The following TSC22D1 variants were observed in gnomAD, a reference collection of about 807,000 sequenced individuals.
The protein encoded by TSC22D1 is TSC22 domain family member 1.
Under a neutral mutation model 74.2 loss-of-function variants are expected in TSC22D1, and 9 were observed. The observed-to-expected ratio is 0.12, with a 90% CI of 0.07 to 0.21. The LOEUF (loss-of-function observed/expected upper bound fraction) is 0.21, where lower values mean the gene tolerates loss of function less well. Among genes scored for constraint, TSC22D1 ranks in the 10% least tolerant of loss-of-function variants. TSC22D1 has a pLI of 1.00. For missense variants in TSC22D1, 1,427 were observed against 1,304.7 expected, an observed-to-expected ratio of 1.09 and a Z score of -1.44; for synonymous variants, 586 against 492.5, an observed-to-expected ratio of 1.19 and a Z score of -2.51.
intron 1 of TSC22D1, among the ~76,000 whole-genome samples, chr13:44,549,766 CA>C (rs886489093): frequency 5.0e-5 from 4 of 79,494 alleles, no homozygotes; most frequent in African/African-American, 9.6e-5. Context: ...AACCCTGCCT[CA>C]AAAAAAAAGA....
At position 44,576,187 on chromosome 13, in the gene TSC22D1, A is replaced by C; in HGVS notation, c.-113T>G. 1 of 1,383,050 alleles carries C rather than the reference A, an allele frequency of 7.2e-7. No individual in the cohort carries two copies. The highest frequency in any genetic ancestry group is 9.5e-7 in the Non-Finnish European group (1 of 1,055,434). 85.7% of individuals were successfully genotyped at this position (1,383,050 alleles called of 1,614,324 possible). A position where few individuals can be genotyped will look rare whatever the true frequency, so the allele number is the denominator to read the frequency against. ...GGGACCTGACGCTCCGCCTGGCGCG[A>C]TTCCTCCTTCTCCTCCTCCTCAGCC... On this transcript the variant is annotated 5_prime_UTR_variant, in exon 1 of 3. Coordinates refer to ENST00000458659, the MANE Select transcript of TSC22D1 (RefSeq NM_183422.4).
At chr13:44,438,117 CAT>C (rs1874888039) in intron 1 of TSC22D1, among the ~76,000 whole-genome samples, 1 of 152,172 alleles carries the variant, frequency 6.6e-6, no homozygotes, top group Admixed American at 6.5e-5. Context: ...TATAATACAA[CAT>C]AAACAGTTTC....
At chr13:44,528,848 G>C (rs773399703) in intron 1 of TSC22D1, among the ~76,000 whole-genome samples, 5 of 152,050 alleles carry the variant, frequency 3.3e-5, no homozygotes, top group Non-Finnish European at 7.4e-5. Flanking sequence ...CAAGTGTTAT[G>C]AGCAGTTCTG....
chr13:44,457,347 A>G lies in TSC22D1; in HGVS notation c.2913-21252T>C, dbSNP rs566070981. 9.8e-5 allele frequency among the ~76,000 whole-genome samples: 15 copies of G among 152,352 alleles called. No homozygotes were observed. In the South Asian group the frequency reaches 2.9e-3, roughly 29 times the overall value. On this transcript the variant is annotated intron_variant, in intron 1 of 2. Coordinates refer to ENST00000458659, the MANE Select transcript of TSC22D1 (RefSeq NM_183422.4). ...CGCATTCAACATCTCAAATATGTCT[A>G]ATCACACTGGATCAAAAACATCAAG...
intron 1 of TSC22D1, chr13:44,436,338 TG>T: frequency 9.7e-7 from 1 of 1,031,076 alleles, no homozygotes; most frequent in Non-Finnish European, 1.4e-6. Context: ...GCCTGTTCTC[TG>T]GCCAGACTTG....
At chr13:44,470,739 A>T (rs185601356) in intron 1 of TSC22D1, among the ~76,000 whole-genome samples, 1 of 152,328 alleles carries the variant, frequency 6.6e-6, no homozygotes, top group African/African-American at 2.4e-5. Flanking sequence ...GAAAGCAGCC[A>T]TGTTGTACCA....
rs113122373 is a variant in TSC22D1, at chr13:44,454,865, T to C, written c.2913-18770A>G. On this transcript the variant is annotated intron_variant, in intron 1 of 2. Transcript: ENST00000458659. ...TCTGCACTCTTATCATAACAGATGC[T>C]GTCATGTTTTAGTAATCTTCAGTCC... is the stretch of plus-strand genomic sequence containing the variant. Among the ~76,000 whole-genome samples, 435 of 152,324 alleles carry C rather than the reference T, an allele frequency of 2.9e-3. 1 individual carries two copies. The highest frequency in any genetic ancestry group is 0.01 in the African/African-American group (423 of 41,582).
At chr13:44,503,181 A>G (rs567854251) in intron 1 of TSC22D1, among the ~76,000 whole-genome samples, 60 of 152,348 alleles carry the variant, frequency 3.9e-4, no homozygotes, top group African/African-American at 1.4e-3. Context: ...ATAAAAATAC[A>G]AACAAGATTT....
chr13:44,534,559 T>C (rs1039531751), intron 1 of TSC22D1, among the ~76,000 whole-genome samples: 3 of 152,110 alleles, frequency 2.0e-5, no homozygotes, highest in African/African-American at 7.2e-5. Context: ...TTTCTTTGTT[T>C]CTAGATATGC....
chr13:44,557,327 G>A (rs1882719105), intron 1 of TSC22D1, among the ~76,000 whole-genome samples: 1 of 152,016 alleles, frequency 6.6e-6, no homozygotes, highest in African/African-American at 2.4e-5. Flanking sequence ...TGGGCATGGT[G>A]GTGCACACCT....
chr13:44,485,805 A>C (rs1878403828), intron 1 of TSC22D1, among the ~76,000 whole-genome samples: 1 of 152,110 alleles, frequency 6.6e-6, no homozygotes, highest in Non-Finnish European at 1.5e-5. Flanking sequence ...ATACTGTCAA[A>C]TTTGTAGAAT....
At chr13:44,460,078 C>A (rs1222875497) in intron 1 of TSC22D1, among the ~76,000 whole-genome samples, 1 of 152,200 alleles carries the variant, frequency 6.6e-6, no homozygotes, top group Non-Finnish European at 1.5e-5. Flanking sequence ...AAAAGCGACA[C>A]CCCAAGGATC....
chr13:44,523,505 T>C (rs1434707934), intron 1 of TSC22D1, among the ~76,000 whole-genome samples: 2 of 152,100 alleles, frequency 1.3e-5, no homozygotes, highest in East Asian at 3.9e-4. Context: ...TATTGCTAAG[T>C]GAAAGCCAGT....
rs752062276 is a variant in TSC22D1, at chr13:44,574,399, T to A, written c.1676A>T (p.Lys559Met). The A allele has an allele frequency of 2.5e-6, 4 of 1,614,244 alleles. No homozygotes were observed. In the South Asian group the frequency reaches 4.4e-5, roughly 18 times the overall value. Reference sequence around the variant, plus strand: ...CAGAGGTACTGGCTGAAGACCTTGCTTTTGCTGATAGCTCAGTTCTTGAGA... The same window carrying A: ...CAGAGGTACTGGCTGAAGACCTTGCATTTGCTGATAGCTCAGTTCTTGAGA... ...LQSQELSYQQ[K>M]QGLQPVPLQA... Residue 559 changes from lysine to methionine, a missense_variant, in exon 1 of 3, where the codon AAG becomes ATG. Lys to Met is a moderately conservative substitution (Grantham distance 95, BLOSUM62 -1). This residue lies in a region of TSC22D1 where 1,343 missense variants were observed against 1,191.5 expected (regional missense o/e 1.13). Transcript: ENST00000458659.
In TSC22D1 at chr13:44,575,630, G is replaced by C; in HGVS notation, c.445C>G (p.Leu149Val). The change falls in exon 1 of 3, where the codon CTC becomes GTC. Residue 149 changes from leucine (L) to valine (V), a missense_variant. Physicochemically the swap from Leu to Val is conservative, Grantham distance 32. This residue lies in a region of TSC22D1 where 1,343 missense variants were observed against 1,191.5 expected (regional missense o/e 1.13). Coordinates refer to ENST00000458659, the MANE Select transcript of TSC22D1 (RefSeq NM_183422.4). Reference protein sequence around the residue: ...DDLDESHTEDLSSSEILDVSL... With the variant: ...DDLDESHTEDVSSSEILDVSL... ...ACATCAAGGATCTCCGAAGAAGAGAGATCTTCCGTGTGAGATTCATCCAGA... is the reference window on the plus strand; with the variant it reads ...ACATCAAGGATCTCCGAAGAAGAGACATCTTCCGTGTGAGATTCATCCAGA... The C allele has an allele frequency of 1.2e-6, 2 of 1,614,206 alleles. No individual in the cohort carries two copies. Among genetic ancestry groups the C allele is most frequent in the Non-Finnish European group, 8.5e-7 (1 of 1,180,034 alleles).
chr13:44,490,378 G>A (rs1224230470), intron 1 of TSC22D1, among the ~76,000 whole-genome samples: 1 of 145,540 alleles, frequency 6.9e-6, no homozygotes. Context: ...TTTTTTTCAT[G>A]TAGATGGAGG....
At chr13:44,496,897 T>C (rs1452182172) in intron 1 of TSC22D1, among the ~76,000 whole-genome samples, 1 of 151,676 alleles carries the variant, frequency 6.6e-6, no homozygotes, top group African/African-American at 2.4e-5. Flanking sequence ...ATAGCTACAA[T>C]CAAAAATATG....
chr13:44,533,207 T>A (rs1880951849), intron 1 of TSC22D1, among the ~76,000 whole-genome samples: 1 of 152,122 alleles, frequency 6.6e-6, no homozygotes, highest in Non-Finnish European at 1.5e-5. Flanking sequence ...CTGCCTGTAA[T>A]CCCAATACTT....
chr13:44,447,538 A>AAGC (rs1405072633), intron 1 of TSC22D1, among the ~76,000 whole-genome samples: 1 of 152,258 alleles, frequency 6.6e-6, no homozygotes, highest in East Asian at 1.9e-4. Context: ...ATTAGCGTTA[A>AAGC]AAGATTTGTA....
Sources: allele counts gnomAD v4.1 joint callset (sites outside exome capture counted in the v4.1 genomes callset), GRCh38; gene constraint gnomAD v4.1.1; regional missense constraint gnomAD v4.1.1; transcripts MANE v1.5; gene names NCBI Gene and HGNC (gene_info 2026-07-23, HGNC 2026-07-21).